Variants in TOX2 observed in about 807,000 individuals in gnomAD.
The protein encoded by TOX2 is TOX high mobility group box family member 2, also known as granulosa cell HMG box 1.
A neutral mutation model predicts 47.4 loss-of-function variants in TOX2; 15 were observed. The ratio of observed to expected loss-of-function variants is 0.32; its 90% CI spans 0.21 to 0.49. The LOEUF (loss-of-function observed/expected upper bound fraction) is 0.49, where lower values mean the gene tolerates loss of function less well. Among genes scored for constraint, TOX2 ranks in the 20% least tolerant of loss-of-function variants. The pLI is 0.99. For missense variants in TOX2, 622 were observed against 673.1 expected (o/e 0.92, Z 0.84); for synonymous variants, 290 against 296.6 (o/e 0.98, Z 0.23).
intron 2 of TOX2, among the ~76,000 whole-genome samples, chr20:43,988,294 A>G (rs563763969): frequency 3.3e-5 from 5 of 152,356 alleles, no homozygotes; most frequent in South Asian, 4.1e-4. Flanking sequence ...CTGTGGTGCC[A>G]GAAAATCTTG....
At chr20:44,018,020 C>T (rs1254419565) in intron 3 of TOX2, among the ~76,000 whole-genome samples, 1 of 152,190 alleles carries the variant, frequency 6.6e-6, no homozygotes, top group Non-Finnish European at 1.5e-5. Context: ...GTGTGAGGCA[C>T]TTGCAGCTTG....
At chr20:43,927,781 C>T (rs2069197003) in intron 1 of TOX2, among the ~76,000 whole-genome samples, 1 of 136,480 alleles carries the variant, frequency 7.3e-6, no homozygotes, top group African/African-American at 2.7e-5. Flanking sequence ...CCCTCTTTCC[C>T]TCCCTCCCTC....
rs1555846848 is a variant in TOX2, at chr20:44,053,471, C to CACAT, written c.652-827_652-826insCATA. On this transcript the variant is annotated intron_variant, in intron 4 of 8. Coordinates refer to ENST00000341197, the MANE Select transcript of TOX2 (RefSeq NM_001098797.2). The stretch of plus-strand genomic sequence containing the variant: ...ACACACACACACACACACACACACA[C>CACAT]ATATATATATACACACATATATATA... Among the ~76,000 whole-genome samples the CACAT allele has an allele frequency of 4.6e-4, 52 of 113,294 alleles. 1 individual carries two copies. In the South Asian group the frequency reaches 0.013, roughly 28 times the overall value. The allele number at this position is 113,294 out of a possible 152,430, so 74.3% of individuals were successfully genotyped here. A position where few individuals can be genotyped will look rare whatever the true frequency, so the allele number is the denominator to read the frequency against.
chr20:44,021,851 G>A (rs1459199541), intron 3 of TOX2, among the ~76,000 whole-genome samples: 3 of 149,168 alleles, frequency 2.0e-5, no homozygotes, highest in Non-Finnish European at 4.4e-5. Context: ...GCCCAGGCTT[G>A]TCTTGTACTC....
chr20:44,031,587 C>T (rs1347939262), intron 3 of TOX2, among the ~76,000 whole-genome samples: 1 of 152,160 alleles, frequency 6.6e-6, no homozygotes, highest in Non-Finnish European at 1.5e-5. Context: ...AGTTCACAGG[C>T]CACTGTTTCT....
rs1287152471 is a variant in TOX2, at chr20:44,064,761, G to GT, written c.880-15dup. The GT allele has an allele frequency of 6.2e-7, 1 of 1,613,646 alleles. No individual in the cohort carries two copies. ...TAACTTTCTCCCCAGTGTTGCTCAT[G>GT]TGTTGACTCTTCCAGGCCTACAAGA... On this transcript the variant is annotated splice_polypyrimidine_tract_variant and intron_variant, in intron 5 of 8. Coordinates refer to ENST00000341197, the MANE Select transcript of TOX2 (RefSeq NM_001098797.2).
chr20:43,917,925 C>T (rs574232016), intron 1 of TOX2, among the ~76,000 whole-genome samples: 1 of 152,274 alleles, frequency 6.6e-6, no homozygotes, highest in African/African-American at 2.4e-5. Flanking sequence ...TCTGTGGCTC[C>T]ATGCTGGGAA....
chr20:43,934,806 G>GTGTGTT (rs1555830269), intron 1 of TOX2, among the ~76,000 whole-genome samples: 1 of 151,588 alleles, frequency 6.6e-6, no homozygotes, highest in African/African-American at 2.4e-5. Flanking sequence ...GTTTGTGTGT[G>GTGTGTT]TGTGTGTGTG....
chr20:44,016,906 G>A (rs1255112686), intron 3 of TOX2, among the ~76,000 whole-genome samples: 3 of 152,210 alleles, frequency 2.0e-5, no homozygotes, highest in African/African-American at 7.2e-5. Flanking sequence ...GTGTTTTAAC[G>A]AAATATTTTG....
At chr20:43,986,285 A>ATGTATGTGTGTGTGTG (rs1555836350) in intron 2 of TOX2, among the ~76,000 whole-genome samples, 20 of 151,510 alleles carry the variant, frequency 1.3e-4, no homozygotes, top group Non-Finnish European at 2.8e-4. Flanking sequence ...GTATGTATGT[A>ATGTATGTGTGTGTGTG]TGTGTGTATT....
chr20:43,965,707 C>T (rs2069839763), intron 1 of TOX2, among the ~76,000 whole-genome samples: 2 of 152,196 alleles, frequency 1.3e-5, no homozygotes, highest in South Asian at 4.1e-4. Context: ...TGCCTGGTCT[C>T]ATTTCGCCTC....
chr20:44,054,539 C>T lies in TOX2; in HGVS notation c.879+13C>T, dbSNP rs778414163. 3.1e-6 allele frequency: 5 copies of T among 1,610,732 alleles called. No individual in the cohort carries two copies. Among genetic ancestry groups the T allele is most frequent in the South Asian group, 2.2e-5 (2 of 90,622 alleles). Reference sequence around the variant, plus strand: ...GGAACAGAAGCAGGTGAGCCTCCCTCTCTTTCTGGGCCATCCCCTGAGGCT... The same window carrying T: ...GGAACAGAAGCAGGTGAGCCTCCCTTTCTTTCTGGGCCATCCCCTGAGGCT... On this transcript the variant is annotated intron_variant, in intron 5 of 8. Coordinates refer to ENST00000341197, the MANE Select transcript of TOX2 (RefSeq NM_001098797.2).
chr20:43,918,205 C>G (rs1192677936), intron 1 of TOX2, among the ~76,000 whole-genome samples: 1 of 152,182 alleles, frequency 6.6e-6, no homozygotes, highest in African/African-American at 2.4e-5. Flanking sequence ...GGGATCCCTG[C>G]TCAACTATGG....
In TOX2 at chr20:43,930,062, T is replaced by C. The variant is rs2069233501; in HGVS notation, c.99+15072T>C. ...TATATCTGTGAAATTACTTGGTTGC[T>C]CCCCCTTCAGGATAATAAACTTTAA... On this transcript the variant is annotated intron_variant, in intron 1 of 8. Coordinates refer to ENST00000341197, the MANE Select transcript of TOX2 (RefSeq NM_001098797.2). Among the ~76,000 whole-genome samples, 8 of 152,166 alleles carry C rather than the reference T, an allele frequency of 5.3e-5. No homozygotes were observed. In the South Asian group the frequency reaches 1.7e-3, roughly 32 times the overall value.
intron 2 of TOX2, among the ~76,000 whole-genome samples, chr20:43,989,125 A>G (rs2070323742): frequency 1.3e-5 from 2 of 152,202 alleles, no homozygotes; most frequent in Admixed American, 1.3e-4. Context: ...GTCCCCACCC[A>G]GAATCTGATT....
intron 5 of TOX2, 98 bp downstream of exon 5, chr20:44,054,624 C>A: frequency 2.3e-6 from 3 of 1,281,806 alleles, no homozygotes; most frequent in Non-Finnish European, 3.3e-6. Flanking sequence ...AGCTCTGGAA[C>A]TAGAGACTCT....
intron 1 of TOX2, among the ~76,000 whole-genome samples, chr20:43,942,708 A>C (rs144454083): frequency 4.6e-5 from 7 of 152,214 alleles, no homozygotes; most frequent in African/African-American, 1.7e-4. Flanking sequence ...AATAAGAGAA[A>C]AAAGAAAAGA....
chr20:43,944,932 A>G (rs2069445797), intron 1 of TOX2, among the ~76,000 whole-genome samples: 1 of 152,286 alleles, frequency 6.6e-6, no homozygotes, highest in South Asian at 2.1e-4. Context: ...TGCCTTCTTC[A>G]TGGAGCCCTA....
intron 3 of TOX2, among the ~76,000 whole-genome samples, chr20:44,021,149 G>A (rs556380082): frequency 6.6e-6 from 1 of 152,138 alleles, no homozygotes; most frequent in African/African-American, 2.4e-5. Context: ...CTAGGACAGG[G>A]GAGGTATCAG....
Sources: gnomAD v4.1 joint callset for allele counts (sites outside exome capture counted in the v4.1 genomes callset) on GRCh38, gnomAD v4.1.1 for gene constraint, MANE v1.5 for transcripts, NCBI Gene and HGNC (gene_info 2026-07-23, HGNC 2026-07-21) for gene names.